Variants in TNS4 observed in about 807,000 individuals in gnomAD.
TNS4 encodes tensin 4, also known as tensin-4.
A neutral mutation model predicts 70.4 loss-of-function variants in TNS4; 46 were observed. The observed-to-expected ratio is 0.65, with a 90% confidence interval of 0.52 to 0.84. The LOEUF is 0.84. Ranked by LOEUF, TNS4 falls within the 40% of genes least tolerant of loss-of-function variation. TNS4 has a pLI of 0.00. For missense variants in TNS4, 863 were observed against 907.0 expected, an observed-to-expected ratio of 0.95 and a Z score of 0.62; for synonymous variants, 390 against 366.6, an observed-to-expected ratio of 1.06 and a Z score of -0.73.
intron 2 of TNS4, among the ~76,000 whole-genome samples, chr17:40,494,761 G>A (rs1224878871): frequency 6.6e-6 from 1 of 151,164 alleles, no homozygotes; most frequent in Non-Finnish European, 1.5e-5. Context: ...ATTCAGCTCA[G>A]GGAGTGGATT....
chr17:40,483,469 G>C (rs1399638449), intron 6 of TNS4, among the ~76,000 whole-genome samples: 1 of 152,154 alleles, frequency 6.6e-6, no homozygotes, highest in Non-Finnish European at 1.5e-5. Flanking sequence ...CCAAAGTGCT[G>C]GGATTACTGG....
rs796223057 is a variant in TNS4 at position 40,477,471 on chromosome 17, CT to C, written c.*116del. 1.1e-4 allele frequency: 154 copies of C among 1,409,900 alleles called. 1 individual carries two copies. The African/African-American group carries it at 1.9e-3, about 18-fold the overall frequency. The allele number at this position is 1,409,900 out of a possible 1,614,324, so 87.3% of individuals were successfully genotyped here. A position where few individuals can be genotyped will look rare whatever the true frequency, so the allele number is the denominator to read the frequency against. On this transcript the variant is annotated 3_prime_UTR_variant, in exon 13 of 13. Coordinates refer to ENST00000254051, the MANE Select transcript of TNS4 (RefSeq NM_032865.6). ...GGGTGTCAACTTGATGCCAATCCCC[CT>C]AGTCCCATAGATTGGTCTGTCAATA...
intron 8 of TNS4, 176 bp from the exon 9 acceptor site, chr17:40,480,944 G>T (rs1202985766): frequency 5.9e-6 from 4 of 678,442 alleles, no homozygotes; most frequent in Non-Finnish European, 9.9e-6. Context: ...GCCACTTTGG[G>T]CTCCCTAAAT....
chr17:40,499,967 C>T (rs921394), intron 1 of TNS4, among the ~76,000 whole-genome samples: 127,425 of 152,246 alleles, frequency 0.84, 55,538 homozygotes, highest in East Asian at 0.98. Flanking sequence ...CCTTTCCTCT[C>T]TGGGCAGACC....
At chr17:40,486,456 G>A (rs140414964) in intron 4 of TNS4, among the ~76,000 whole-genome samples, 69 of 151,918 alleles carry the variant, frequency 4.5e-4, no homozygotes, top group African/African-American at 1.4e-3. Context: ...TCCATTGAGC[G>A]AGCACCTCTG....
rs2035876152 is a variant in TNS4, at chr17:40,478,309, G to A, written c.2004C>T (p.Ser668=). ...QRKWQKYCKP[S]WIFGFVAKSQ... ...GCCCTGAGACAGGAAGGCCTTACCA[G>A]GAGGGTTTGCAGTACTTCTGCCACC... Residue 668 remains serine (S), a splice_region_variant and synonymous_variant, in exon 12 of 13, where the codon TCC becomes TCT. Coordinates refer to ENST00000254051, the MANE Select transcript of TNS4 (RefSeq NM_032865.6). 2.5e-6 allele frequency: 4 copies of A among 1,611,848 alleles called. No homozygotes were observed. The highest frequency in any genetic ancestry group is 3.4e-6 in the Non-Finnish European group (4 of 1,179,410).
At chr17:40,478,462 C>T in intron 11 of TNS4, 118 bp downstream of exon 11, 1 of 1,543,204 alleles carries the variant, frequency 6.5e-7, no homozygotes, top group East Asian at 2.2e-5. Context: ...TTCTGTCACC[C>T]TGACCCCTTG....
intron 2 of TNS4, 139 bp from the exon 3 acceptor site, chr17:40,489,108 C>T: frequency 1.4e-6 from 1 of 739,796 alleles, no homozygotes; most frequent in Non-Finnish European, 2.0e-6. Flanking sequence ...AGAGGAGAGC[C>T]CAACTCCACC....
At chr17:40,486,886 G>T in intron 4 of TNS4, 150 bp downstream of exon 4, 1 of 1,030,890 alleles carries the variant, frequency 9.7e-7, no homozygotes, top group Non-Finnish European at 1.4e-6. Context: ...TTTCTAAACT[G>T]TTTCCCTCTG....
chr17:40,487,517 AGT>A (rs1179846146), intron 3 of TNS4, 57 bp from the exon 4 acceptor site: 1 of 1,542,442 alleles, frequency 6.5e-7, no homozygotes, highest in Non-Finnish European at 8.8e-7. Flanking sequence ...CAGGGGCTAG[AGT>A]CAGGCTCCGG....
At chr17:40,493,010 A>T (rs2036096047) in intron 2 of TNS4, among the ~76,000 whole-genome samples, 2 of 152,036 alleles carry the variant, frequency 1.3e-5, no homozygotes, top group Admixed American at 1.3e-4. Context: ...GAAAAAAAAA[A>T]TAAGAAATTA....
rs141873375 is a variant in TNS4 at position 40,496,239 on chromosome 17, G to A, written c.187C>T (p.Pro63Ser). ...TGTGGGGCTTGCTGGAGTCGGCCAG[G>A]GGGCCCCATGCAGGGCACGGGGGCC... ...LMAPVPCMGP[P>S]GRLQQAPQVE... Residue 63 changes from proline to serine, a missense_variant, in exon 2 of 13, where the codon CCT (proline) becomes TCT (serine). Pro to Ser is a moderately conservative substitution (Grantham distance 74). Transcript: ENST00000254051. 2.4e-5 allele frequency: 38 copies of A among 1,594,588 alleles called. No individual in the cohort carries two copies. Among genetic ancestry groups the A allele is most frequent in the Non-Finnish European group, 3.1e-5 (36 of 1,171,060 alleles).
chr17:40,485,060 G>A, intron 4 of TNS4, 53 bp from the exon 5 acceptor site: 2 of 1,519,902 alleles, frequency 1.3e-6, no homozygotes, highest in Non-Finnish European at 1.8e-6. Flanking sequence ...CGGGAGCTGA[G>A]GGATGTTCAC....
intron 5 of TNS4, 86 bp from the exon 6 acceptor site, chr17:40,484,695 T>C: frequency 6.4e-7 from 1 of 1,564,242 alleles, no homozygotes; most frequent in South Asian, 1.2e-5. Context: ...AGAGCAGATG[T>C]TACAGAGTCA....
chr17:40,480,666 C>G, intron 9 of TNS4, 34 bp downstream of exon 9: 1 of 1,487,222 alleles, frequency 6.7e-7, no homozygotes, highest in Non-Finnish European at 8.9e-7. Context: ...TGGGGCACAG[C>G]CAAGCTTGGC....
At chr17:40,486,348 A>G (rs1567810909) in intron 4 of TNS4, among the ~76,000 whole-genome samples, 1 of 151,990 alleles carries the variant, frequency 6.6e-6, no homozygotes, top group East Asian at 1.9e-4. Context: ...TTAGTCATCA[A>G]GCACATCCTG....
Position 40,488,926 on chromosome 17 carries a change from G to T in TNS4, c.483C>A (p.His161Gln), listed in dbSNP as rs755695435. ...IEVTSARSRC[H>Q]DGPQHCSSPS... Reference sequence around the variant, plus strand: ...GGCTGGAGCAGTGCTGGGGGCCATCGTGGCACCTTGATCTGGCGGAGGTCA... The same window carrying T: ...GGCTGGAGCAGTGCTGGGGGCCATCTTGGCACCTTGATCTGGCGGAGGTCA... Residue 161 changes from histidine to glutamine, a missense_variant, in exon 3 of 13, where the codon CAC (histidine) becomes CAA (glutamine). By Grantham distance (24) the His-to-Gln change is conservative. Coordinates refer to ENST00000254051, the MANE Select transcript of TNS4 (RefSeq NM_032865.6). 2 of 1,598,812 alleles carry T rather than the reference G, an allele frequency of 1.3e-6. No individual in the cohort carries two copies. Among genetic ancestry groups the T allele is most frequent in the Non-Finnish European group, 8.5e-7 (1 of 1,174,912 alleles).
At chr17:40,488,089 A>G (rs2036015805) in intron 3 of TNS4, among the ~76,000 whole-genome samples, 1 of 152,348 alleles carries the variant, frequency 6.6e-6, no homozygotes. Context: ...TGTGAGGTCT[A>G]TAGAGAACTG....
intron 3 of TNS4, among the ~76,000 whole-genome samples, chr17:40,487,927 AG>A: frequency 6.6e-6 from 1 of 152,388 alleles, no homozygotes; most frequent in African/African-American, 2.4e-5. Flanking sequence ...TCCTGAGCTC[AG>A]GGGCCTGTGC....
Sources: allele counts gnomAD v4.1 joint callset (sites outside exome capture counted in the v4.1 genomes callset), GRCh38; gene constraint gnomAD v4.1.1; transcripts MANE v1.5; gene names NCBI Gene and HGNC (gene_info 2026-07-23, HGNC 2026-07-21).